Variants in LOC400499 observed in about 807,000 individuals in gnomAD.
chr16:11,431,499 G>A, the LOC400499 span, among the ~76,000 whole-genome samples: 1 of 152,140 alleles, frequency 6.6e-6, no homozygotes. Flanking sequence ...TCCGCCTCCT[G>A]GGTTCAAGCG....
chr16:11,397,999 G>A, the LOC400499 span, among the ~76,000 whole-genome samples: 1 of 152,124 alleles, frequency 6.6e-6, no homozygotes, highest in African/African-American at 2.4e-5. Flanking sequence ...AGGGGAAAGG[G>A]GTTGAGGAAA....
the LOC400499 span, chr16:11,461,163 G>A: frequency 1.3e-6 from 2 of 1,492,300 alleles, no homozygotes; most frequent in Non-Finnish European, 1.8e-6. Flanking sequence ...CAGCCCCCAG[G>A]GACCAGCACC....
the LOC400499 span, among the ~76,000 whole-genome samples, chr16:11,505,117 C>T: frequency 0.56 from 84,350 of 150,882 alleles, 24,488 homozygotes; most frequent in Admixed American, 0.69. Flanking sequence ...TGAACCCACA[C>T]TCTTAACAAG....
chr16:11,429,255 G>C, the LOC400499 span, among the ~76,000 whole-genome samples: 1 of 152,126 alleles, frequency 6.6e-6, no homozygotes. Context: ...TGTTTAACGT[G>C]TGTAGCAGCT....
the LOC400499 span, among the ~76,000 whole-genome samples, chr16:11,464,531 G>C: frequency 4.6e-5 from 7 of 152,228 alleles, no homozygotes; most frequent in Non-Finnish European, 8.8e-5. Flanking sequence ...GCACTGAACA[G>C]AACATTCTTC....
chr16:11,525,081 C>G, the LOC400499 span, among the ~76,000 whole-genome samples: 1 of 151,754 alleles, frequency 6.6e-6, no homozygotes, highest in Non-Finnish European at 1.5e-5. Flanking sequence ...CTCAGGAGTT[C>G]GAGACCAGCC....
At chr16:11,409,422 C>G in the LOC400499 span, among the ~76,000 whole-genome samples, 1 of 152,130 alleles carries the variant, frequency 6.6e-6, no homozygotes, top group Non-Finnish European at 1.5e-5. Context: ...CATGTCTATT[C>G]ACTTACATAT....
At chr16:11,502,196 G>C in the LOC400499 span, 1 of 399,072 alleles carries the variant, frequency 2.5e-6, no homozygotes, top group Non-Finnish European at 4.4e-6. Flanking sequence ...ATTCAGAGGG[G>C]GCAGCATGAG....
the LOC400499 span, among the ~76,000 whole-genome samples, chr16:11,482,358 G>A: frequency 2.6e-5 from 4 of 152,300 alleles, no homozygotes; most frequent in Non-Finnish European, 5.9e-5. Context: ...AGAGATGAGA[G>A]AGCTGAACAG....
At chr16:11,393,685 G>C in the LOC400499 span, 1 of 778,100 alleles carries the variant, frequency 1.3e-6, no homozygotes, top group African/African-American at 1.8e-5. Flanking sequence ...AGGGAACCAA[G>C]GGAAGGCACA....
the LOC400499 span, among the ~76,000 whole-genome samples, chr16:11,498,469 G>A: frequency 6.6e-6 from 1 of 151,482 alleles, no homozygotes; most frequent in African/African-American, 2.4e-5. Flanking sequence ...GCAACAGAGC[G>A]AGACTCCGTC....
chr16:11,399,287 A>G, the LOC400499 span: 2 of 972,740 alleles, frequency 2.1e-6, no homozygotes, highest in African/African-American at 3.5e-5. Flanking sequence ...AGCCCTCACC[A>G]CATCCCAGTT....
the LOC400499 span, chr16:11,439,722 CAGCCCT>C: frequency 2.5e-6 from 1 of 394,504 alleles, no homozygotes; most frequent in East Asian, 3.6e-5. Flanking sequence ...TAATATTCCT[CAGCCCT>C]CAATCTTATG....
the LOC400499 span, among the ~76,000 whole-genome samples, chr16:11,413,724 T>C: frequency 1.5e-3 from 231 of 152,306 alleles, no homozygotes; most frequent in African/African-American, 5.1e-3. Flanking sequence ...ATCAGCATCT[T>C]CTTCTTCATC....
chr16:11,414,597 C>G, the LOC400499 span: 35 of 399,042 alleles, frequency 8.8e-5, no homozygotes, highest in Non-Finnish European at 7.1e-5. Flanking sequence ...AGAGGCCATG[C>G]CCTGTGGCCC....
chr16:11,375,327 TTTTG>T, the LOC400499 span, among the ~76,000 whole-genome samples: 5 of 92,776 alleles, frequency 5.4e-5, no homozygotes, highest in Non-Finnish European at 2.4e-5. Flanking sequence ...TTTTTTTTTT[TTTTG>T]GAGACAGAGT....
the LOC400499 span, chr16:11,478,598 C>T: frequency 5.5e-5 from 22 of 398,932 alleles, no homozygotes; most frequent in Admixed American, 8.8e-5. Context: ...CCCGTGGCCC[C>T]GCAGTTCACA....
chr16:11,373,437 G>A, the LOC400499 span, among the ~76,000 whole-genome samples: 1 of 152,130 alleles, frequency 6.6e-6, no homozygotes, highest in African/African-American at 2.4e-5. Context: ...GGGTTCAAGC[G>A]ATTCTCCTGC....
chr16:11,450,539 C>T, the LOC400499 span: 17 of 1,458,238 alleles, frequency 1.2e-5, no homozygotes, highest in Middle Eastern at 2.2e-4. Flanking sequence ...AGCTTTCATC[C>T]GCCTCTGCAC....
Sources: allele counts gnomAD v4.1 joint callset (sites outside exome capture counted in the v4.1 genomes callset), GRCh38; gene constraint gnomAD v4.1.1; transcripts MANE v1.5.